VPS35L: variants seen among roughly 807,000 people sequenced by gnomAD.
VPS35L encodes VPS35 endosomal protein-sorting factor-like.
VPS35L carries 83 observed loss-of-function variants against 133.0 expected under a neutral mutation model. The observed-to-expected ratio is 0.62, with a 90% CI of 0.52 to 0.75. The LOEUF (loss-of-function observed/expected upper bound fraction) is 0.75. Ranked by LOEUF, VPS35L falls within the 30% of genes least tolerant of loss-of-function variation. VPS35L has a pLI of 0.00. For synonymous variants in VPS35L, 423 were observed against 449.9 expected (o/e 0.94, Z 0.76); for missense variants, 1,083 against 1,206.8 (o/e 0.90, Z 1.52).
chr16:19,579,422 G>A (rs1402824592), intron 6 of VPS35L: 8 of 264,822 alleles, frequency 3.0e-5, no homozygotes, highest in Non-Finnish European at 2.9e-5. Flanking sequence ...AAGGCCAGGC[G>A]CGGTGGCTCA....
intron 29 of VPS35L, among the ~76,000 whole-genome samples, chr16:19,693,281 GT>G (rs1975764990): frequency 6.6e-6 from 1 of 152,088 alleles, no homozygotes; most frequent in African/African-American, 2.4e-5. Flanking sequence ...GTGGATGTGT[GT>G]GTTGCGGGGG....
rs760572158 is a variant in VPS35L at position 19,699,569 on chromosome 16, GCAA to G, written c.2721_2723del (p.Asn907del). ...AGCATCTTGGCCCATGGGGACCTAC[GCAA>G]CAACAAGCTCAACCAGCTCTCCGTC... On this transcript the variant is annotated inframe_deletion, in exon 30 of 31. Transcript: ENST00000417362. This position sits in a 1 kb window ranked among gnomAD's most constrained non-coding sequence, Gnocchi z 4.2. 2.2e-5 allele frequency: 36 copies of G among 1,614,164 alleles called. No individual in the cohort carries two copies. The highest frequency in any genetic ancestry group is 2.8e-5 in the Non-Finnish European group (33 of 1,180,030).
rs1297245646 is a variant in VPS35L at position 19,647,782 on chromosome 16, A to G, written c.1930-2A>G. 1 of 1,612,870 alleles carries G rather than the reference A, an allele frequency of 6.2e-7. No individual in the cohort carries two copies. Among genetic ancestry groups the G allele is most frequent in the Non-Finnish European group, 8.5e-7 (1 of 1,179,168 alleles). Reference sequence around the variant, plus strand: ...TTTCAGCGTCTTTCTCCTTGATTCTAGGTTTCCTTTGGCCGTGATTTTGAA... The same window carrying G: ...TTTCAGCGTCTTTCTCCTTGATTCTGGGTTTCCTTTGGCCGTGATTTTGAA... On this transcript the variant is annotated splice_acceptor_variant, in intron 23 of 30. Coordinates refer to ENST00000417362, the MANE Select transcript of VPS35L (RefSeq NM_020314.7). LOFTEE classifies it high-confidence loss of function.
chr16:19,699,631 G>A lies in VPS35L; in HGVS notation c.2776G>A (p.Ala926Thr). The A allele has an allele frequency of 6.2e-7, 1 of 1,613,830 alleles. No individual in the cohort carries two copies. Among genetic ancestry groups the A allele is most frequent in the East Asian group, 2.2e-5 (1 of 44,868 alleles). The change falls in exon 30 of 31, where the codon GCA becomes ACA. Residue 926 changes from alanine to threonine, a missense_variant. By Grantham distance (58) the Ala-to-Thr change is moderately conservative. Transcript: ENST00000417362. This position sits in a 1 kb window ranked among gnomAD's most constrained non-coding sequence, Gnocchi z 4.2. ...GCACCTGGCACAGAGGCACGGCTGT[G>A]CAGACACCAGGACCATGGTGAGGCG... ...LWHLAQRHGC[A>T]DTRTMVKTLE...
At chr16:19,651,370 T>C (rs1166339476) in intron 25 of VPS35L, among the ~76,000 whole-genome samples, 1 of 151,646 alleles carries the variant, frequency 6.6e-6, no homozygotes, top group Non-Finnish European at 1.5e-5. Flanking sequence ...ATCCGGGTAA[T>C]TTTTTTGTTT....
intron 27 of VPS35L, among the ~76,000 whole-genome samples, chr16:19,681,174 C>T (rs1975262908): frequency 6.6e-6 from 1 of 152,192 alleles, no homozygotes; most frequent in Non-Finnish European, 1.5e-5. Flanking sequence ...GGGAGACTGG[C>T]CTCTGGGGAC....
chr16:19,572,588 T>C (rs1297187802), intron 3 of VPS35L, among the ~76,000 whole-genome samples: 1 of 152,226 alleles, frequency 6.6e-6, no homozygotes, highest in East Asian at 1.9e-4. Flanking sequence ...GACATTCTGA[T>C]AGTTGAAAAA....
intron 29 of VPS35L, among the ~76,000 whole-genome samples, chr16:19,692,586 G>T (rs1318521733): frequency 6.6e-6 from 1 of 151,612 alleles, no homozygotes; most frequent in Non-Finnish European, 1.5e-5. Flanking sequence ...TTTTTGAGAC[G>T]GAGTTTCGCT....
intron 14 of VPS35L, among the ~76,000 whole-genome samples, chr16:19,623,637 T>C (rs1284590897): frequency 6.6e-6 from 1 of 151,996 alleles, no homozygotes; most frequent in Non-Finnish European, 1.5e-5. Flanking sequence ...TCAGGCAACA[T>C]GACAGAGAGG....
intron 4 of VPS35L, among the ~76,000 whole-genome samples, chr16:19,574,623 A>G (rs1426803947): frequency 6.6e-6 from 1 of 151,372 alleles, no homozygotes; most frequent in Admixed American, 6.6e-5. Context: ...AACTGTACAG[A>G]GTTAACTTAG....
At chr16:19,625,391 G>A (rs1973229547) in intron 14 of VPS35L, among the ~76,000 whole-genome samples, 1 of 152,132 alleles carries the variant, frequency 6.6e-6, no homozygotes, top group Admixed American at 6.6e-5. Flanking sequence ...ATTACTAAGT[G>A]CACCTTGGGC....
intron 3 of VPS35L, among the ~76,000 whole-genome samples, chr16:19,572,440 T>C (rs955607461): frequency 6.6e-6 from 1 of 152,110 alleles, no homozygotes; most frequent in Non-Finnish European, 1.5e-5. Context: ...AGGCAATGTG[T>C]ATTTAAGGTT....
Position 19,581,660 on chromosome 16 carries a change from T to G in VPS35L, c.639+7T>G. 1 of 1,609,512 alleles carries G rather than the reference T, an allele frequency of 6.2e-7. No individual in the cohort carries two copies. Among genetic ancestry groups the G allele is most frequent in the Non-Finnish European group, 8.5e-7 (1 of 1,179,612 alleles). On this transcript the variant is annotated splice_region_variant and intron_variant, in intron 7 of 30. Transcript: ENST00000417362. ...TCTAAAAATAGTCATCCAGGTTAGC[T>G]CTAGTGATCCCCCACCCCCACCCAG...
chr16:19,604,295 A>C (rs1398876068), intron 9 of VPS35L, among the ~76,000 whole-genome samples: 2 of 152,118 alleles, frequency 1.3e-5, no homozygotes, highest in Non-Finnish European at 2.9e-5. Flanking sequence ...CCTTTCTCCC[A>C]GTCTTCAGTG....
chr16:19,674,343 C>G (rs1974988523), intron 27 of VPS35L, among the ~76,000 whole-genome samples: 1 of 148,728 alleles, frequency 6.7e-6, no homozygotes, highest in African/African-American at 2.5e-5. Context: ...AGGCGCCCAC[C>G]ACCACACCTG....
At chr16:19,664,990 C>T (rs569946926) in intron 26 of VPS35L, among the ~76,000 whole-genome samples, 1 of 151,858 alleles carries the variant, frequency 6.6e-6, no homozygotes, top group African/African-American at 2.4e-5. Context: ...GCTGCTTTTC[C>T]CCTTCCTCTA....
chr16:19,585,508 C>T (rs1450884290), intron 7 of VPS35L, among the ~76,000 whole-genome samples: 1 of 151,276 alleles, frequency 6.6e-6, no homozygotes, highest in Non-Finnish European at 1.5e-5. Flanking sequence ...CTCAAGCGAT[C>T]CTCCCGCCTC....
chr16:19,580,121 A>T (rs1211555969), intron 6 of VPS35L, among the ~76,000 whole-genome samples: 6 of 151,686 alleles, frequency 4.0e-5, no homozygotes, highest in African/African-American at 1.5e-4. Flanking sequence ...AATTGCTTGA[A>T]CCCAAGAGAT....
At position 19,579,247 on chromosome 16, in the gene VPS35L, C is replaced by T. The variant is rs996581912; in HGVS notation, c.510+119C>T. The T allele has an allele frequency of 6.7e-6, 6 of 901,640 alleles. No individual in the cohort carries two copies. The Admixed American group carries it at 1.2e-4, about 18-fold the overall frequency. 55.9% of individuals were successfully genotyped at this position (901,640 alleles called of 1,614,324 possible). The stretch of plus-strand genomic sequence containing the variant: ...TCCTGGGCTGCGCATTGTGCTTGGT[C>T]CTCTCGAGGCAATGACTCCATCCAG... On this transcript the variant is annotated intron_variant, in intron 6 of 30. Transcript: ENST00000417362.
Sources: gnomAD v4.1 joint callset for allele counts (sites outside exome capture counted in the v4.1 genomes callset) on GRCh38, gnomAD v4.1.1 for gene constraint, Gnocchi (gnomAD v3.1) non-coding constraint, MANE v1.5 for transcripts, NCBI Gene and HGNC (gene_info 2026-07-23, HGNC 2026-07-21) for gene names.